The following PTPRD variants were observed in gnomAD, a reference collection of about 807,000 sequenced individuals.
PTPRD encodes protein tyrosine phosphatase receptor type D, also known as receptor-type tyrosine-protein phosphatase delta.
Under a neutral mutation model 214.5 loss-of-function variants are expected in PTPRD, and 34 were observed. The ratio of observed to expected loss-of-function variants is 0.16; its 90% CI spans 0.12 to 0.21. The LOEUF (loss-of-function observed/expected upper bound fraction) is 0.21. Among genes scored for constraint, PTPRD ranks in the 10% least tolerant of loss-of-function variants. The pLI is 1.00. For synonymous variants in PTPRD, 1,128 were observed against 845.7 expected (o/e 1.33, Z -5.79); for missense variants, 2,545 against 2,398.7 (o/e 1.06, Z -1.27).
chr9:8,626,984 G>A (rs2096063858), intron 14 of PTPRD, among the ~76,000 whole-genome samples: 1 of 151,650 alleles, frequency 6.6e-6, no homozygotes, highest in African/African-American at 2.4e-5. Flanking sequence ...TCAATACTCA[G>A]TGATTTCCTC....
chr9:9,096,201 C>G (rs984294999), intron 10 of PTPRD, among the ~76,000 whole-genome samples: 1 of 152,188 alleles, frequency 6.6e-6, no homozygotes, highest in Admixed American at 6.5e-5. Context: ...ACATGAGATT[C>G]ATGCCAAATG....
intron 9 of PTPRD, among the ~76,000 whole-genome samples, chr9:9,301,126 T>C (rs1046995086): frequency 1.8e-4 from 27 of 151,976 alleles, no homozygotes; most frequent in African/African-American, 6.3e-4. Context: ...CCTTTTATTA[T>C]TCATAATAAC....
At chr9:10,343,861 G>A (rs1021486923) in intron 2 of PTPRD, among the ~76,000 whole-genome samples, 2 of 149,796 alleles carry the variant, frequency 1.3e-5, no homozygotes, top group Admixed American at 6.7e-5. Flanking sequence ...TGAGCTCTTC[G>A]TTTTCTTGTA....
At chr9:9,684,153 G>C (rs2097126710) in intron 7 of PTPRD, among the ~76,000 whole-genome samples, 1 of 151,458 alleles carries the variant, frequency 6.6e-6, no homozygotes, top group South Asian at 2.1e-4. Flanking sequence ...GATCATATTA[G>C]ACATGCTTGG....
chr9:8,453,407 A>AG (rs2096047164), intron 33 of PTPRD, among the ~76,000 whole-genome samples: 1 of 151,390 alleles, frequency 6.6e-6, no homozygotes, highest in African/African-American at 2.4e-5. Flanking sequence ...CTTGTGATCC[A>AG]CCCGCCTCAG....
intron 9 of PTPRD, among the ~76,000 whole-genome samples, chr9:9,395,931 T>G (rs967639944): frequency 2.0e-5 from 3 of 152,106 alleles, no homozygotes; most frequent in African/African-American, 7.2e-5. Flanking sequence ...TATGATTGCC[T>G]TTGAATAGAT....
chr9:9,790,685 A>C (rs2098960828), intron 5 of PTPRD, among the ~76,000 whole-genome samples: 1 of 152,224 alleles, frequency 6.6e-6, no homozygotes, highest in African/African-American at 2.4e-5. Context: ...TGTTAGCTTG[A>C]AATTAGACAT....
At chr9:9,526,761 G>A (rs558864727) in intron 8 of PTPRD, among the ~76,000 whole-genome samples, 8 of 152,198 alleles carry the variant, frequency 5.3e-5, no homozygotes, top group Admixed American at 3.9e-4. Context: ...TTCCAAATGA[G>A]TTTAAATAGT....
intron 7 of PTPRD, among the ~76,000 whole-genome samples, chr9:9,575,846 C>A (rs1011117296): frequency 2.0e-5 from 3 of 146,646 alleles, no homozygotes; most frequent in Non-Finnish European, 4.5e-5. Flanking sequence ...GCAGTGGTAA[C>A]TTTATCAACA....
intron 11 of PTPRD, among the ~76,000 whole-genome samples, chr9:8,770,466 C>T (rs1226954103): frequency 6.6e-6 from 1 of 151,938 alleles, no homozygotes; most frequent in African/African-American, 2.4e-5. Flanking sequence ...TATTCAACAG[C>T]AATTCATTTT....
At chr9:9,429,893 A>G (rs148797799) in intron 8 of PTPRD, among the ~76,000 whole-genome samples, 9,958 of 152,150 alleles carry the variant, frequency 0.065, 357 homozygotes, top group Middle Eastern at 0.17. Flanking sequence ...GTATTGATGG[A>G]ATGTATCTCA....
At chr9:8,886,293 C>A (rs1457133858) in intron 11 of PTPRD, among the ~76,000 whole-genome samples, 1 of 152,082 alleles carries the variant, frequency 6.6e-6, no homozygotes, top group Non-Finnish European at 1.5e-5. Context: ...ATTTCACTAA[C>A]TATGTAATTG....
At chr9:8,789,083 G>C (rs951931857) in intron 11 of PTPRD, among the ~76,000 whole-genome samples, 2 of 152,138 alleles carry the variant, frequency 1.3e-5, no homozygotes, top group African/African-American at 4.8e-5. Context: ...CATTTGCTTA[G>C]AGGAAGCCAG....
At chr9:9,858,736 T>C (rs2062049881) in intron 5 of PTPRD, among the ~76,000 whole-genome samples, 1 of 152,178 alleles carries the variant, frequency 6.6e-6, no homozygotes, top group East Asian at 1.9e-4. Flanking sequence ...TATAATCTTA[T>C]TTTACAGATA....
intron 11 of PTPRD, among the ~76,000 whole-genome samples, chr9:8,817,294 G>C (rs2096939643): frequency 6.6e-6 from 1 of 152,118 alleles, no homozygotes; most frequent in Non-Finnish European, 1.5e-5. Context: ...ATAAGAAATG[G>C]ACACCATATC....
intron 10 of PTPRD, among the ~76,000 whole-genome samples, chr9:9,067,335 G>C (rs1227277434): frequency 2.0e-5 from 3 of 152,178 alleles, no homozygotes; most frequent in Non-Finnish European, 2.9e-5. Context: ...CTAAGTTTTT[G>C]AAACATTAAT....
intron 3 of PTPRD, among the ~76,000 whole-genome samples, chr9:10,305,859 T>C (rs1209833507): frequency 6.6e-6 from 1 of 152,016 alleles, no homozygotes; most frequent in African/African-American, 2.4e-5. Context: ...TGGAAGAGAG[T>C]GTGGCGATTC....
chr9:9,344,280 G>T (rs2047965317), intron 9 of PTPRD, among the ~76,000 whole-genome samples: 1 of 151,922 alleles, frequency 6.6e-6, no homozygotes, highest in East Asian at 1.9e-4. Context: ...TGCACAGTGA[G>T]AACACATGGA....
intron 43 of PTPRD, among the ~76,000 whole-genome samples, chr9:8,337,458 G>C (rs894728330): frequency 1.3e-5 from 2 of 151,296 alleles, no homozygotes; most frequent in Admixed American, 6.6e-5. Flanking sequence ...TGCGGGTTTG[G>C]AGTCTAGGGG....
Sources: allele counts gnomAD v4.1 joint callset (sites outside exome capture counted in the v4.1 genomes callset), GRCh38; gene constraint gnomAD v4.1.1; transcripts MANE v1.5; gene names NCBI Gene and HGNC (gene_info 2026-07-23, HGNC 2026-07-21).